KRT20: variants seen among roughly 807,000 people sequenced by gnomAD.
KRT20 encodes keratin, type I cytoskeletal 20.
A neutral mutation model predicts 43.0 loss-of-function variants in KRT20; 41 were observed. That is an observed-to-expected ratio of 0.95 (90% CI 0.74 to 1.24). The LOEUF (loss-of-function observed/expected upper bound fraction) is 1.24, where lower values mean the gene tolerates loss of function less well. Ranked by LOEUF, KRT20 falls within the 50% of genes most tolerant of loss-of-function variation. The pLI is 0.00. For synonymous variants in KRT20, 207 were observed against 200.6 expected, an observed-to-expected ratio of 1.03 and a Z score of -0.27; for missense variants, 533 against 521.2, an observed-to-expected ratio of 1.02 and a Z score of -0.22.
In KRT20 at chr17:40,885,237, G is replaced by A; in HGVS notation, c.-52C>T. The A allele has an allele frequency of 6.6e-7, 1 of 1,504,208 alleles. No homozygotes were observed. The highest frequency in any genetic ancestry group is 8.9e-7 in the Non-Finnish European group (1 of 1,127,956). 93.2% of individuals were successfully genotyped at this position (1,504,208 alleles called of 1,614,324 possible). A position where few individuals can be genotyped will look rare whatever the true frequency, so the allele number is the denominator to read the frequency against. ...AGCTTCAGGATGGTTGGGGCAGAGT[G>A]TGTCTCATGGAGGGTGTTGAGCTAG... On this transcript the variant is annotated 5_prime_UTR_variant, in exon 1 of 8. Coordinates refer to ENST00000167588, the MANE Select transcript of KRT20 (RefSeq NM_019010.3).
At position 40,876,316 on chromosome 17, in the gene KRT20, CA is replaced by C. The variant is rs1907343998; in HGVS notation, c.*44del. 3.9e-6 allele frequency: 5 copies of C among 1,288,646 alleles called. No individual in the cohort carries two copies. Among genetic ancestry groups the C allele is most frequent in the Non-Finnish European group, 5.7e-6 (5 of 884,138 alleles). The allele number at this position is 1,288,646 out of a possible 1,614,324, so 79.8% of individuals were successfully genotyped here. A position where few individuals can be genotyped will look rare whatever the true frequency, so the allele number is the denominator to read the frequency against. On this transcript the variant is annotated 3_prime_UTR_variant, in exon 8 of 8. Coordinates refer to ENST00000167588, the MANE Select transcript of KRT20 (RefSeq NM_019010.3). Reference sequence around the variant, plus strand: ...CAGGGAGCAAAGATAAGATTATAGCCAAATTTCTTTCAAAACCTCAGCAGCA... The same window carrying C: ...CAGGGAGCAAAGATAAGATTATAGCCAATTTCTTTCAAAACCTCAGCAGCA...
At chr17:40,880,504 C>G (rs1907546716) in intron 3 of KRT20, 110 bp downstream of exon 3, 2 of 938,370 alleles carry the variant, frequency 2.1e-6, no homozygotes, top group Admixed American at 4.8e-5. Flanking sequence ...ATCTCTGTCA[C>G]TATCACCACC....
At chr17:40,879,013 C>G (rs2143300545) in intron 5 of KRT20, among the ~76,000 whole-genome samples, 1 of 152,230 alleles carries the variant, frequency 6.6e-6, no homozygotes, top group Middle Eastern at 3.4e-3. Context: ...TATTGGCCAG[C>G]TGGTCTCAAC....
At chr17:40,882,490 A>G (rs1455767772) in intron 2 of KRT20, 82 bp downstream of exon 2, 2 of 608,054 alleles carry the variant, frequency 3.3e-6, no homozygotes, top group Non-Finnish European at 2.7e-6. Flanking sequence ...TTTATCAACA[A>G]TGATATGGAA....
chr17:40,881,261 G>GTC (rs1491569813), intron 2 of KRT20, among the ~76,000 whole-genome samples: 8 of 143,880 alleles, frequency 5.6e-5, no homozygotes, highest in African/African-American at 2.1e-4. Flanking sequence ...GTGTGTGTGT[G>GTC]TATTTGAGAC....
chr17:40,880,964 ATC>A (rs1230154314), intron 2 of KRT20, among the ~76,000 whole-genome samples, 194 bp from the exon 3 acceptor site: 1 of 152,176 alleles, frequency 6.6e-6, no homozygotes, highest in African/African-American at 2.4e-5. Flanking sequence ...CAATAATATA[ATC>A]TCTATAATTT....
chr17:40,876,657 G>A (rs1239819319), intron 7 of KRT20, among the ~76,000 whole-genome samples, 199 bp from the exon 8 acceptor site: 1 of 152,058 alleles, frequency 6.6e-6, no homozygotes, highest in East Asian at 1.9e-4. Flanking sequence ...ATTTACAAAT[G>A]TCCTACTCTT....
chr17:40,876,729 C>G (rs1017871187), intron 7 of KRT20, among the ~76,000 whole-genome samples: 16 of 151,884 alleles, frequency 1.1e-4, no homozygotes, highest in African/African-American at 3.9e-4. Flanking sequence ...CTTGTTTTTC[C>G]TTTTCAGGAT....
At position 40,878,285 on chromosome 17, in the gene KRT20, G is replaced by T. The variant is rs770604147; in HGVS notation, c.999C>A (p.Ser333Arg). 6.2e-7 allele frequency: 1 copy of T among 1,614,160 alleles called. No homozygotes were observed. Among genetic ancestry groups the T allele is most frequent in the Non-Finnish European group, 8.5e-7 (1 of 1,180,004 alleles). The change falls in exon 6 of 8, where the codon AGC becomes AGA. Residue 333 changes from serine (S) to arginine (R), a missense_variant. Ser to Arg is a moderately radical substitution (Grantham distance 110). Transcript: ENST00000167588. Reference sequence around the variant, plus strand: ...TCTGCATCAGTTGGGCCTCCAGAGAGCTCAACAGCGACTGGAGGTTGGCTA... The same window carrying T: ...TCTGCATCAGTTGGGCCTCCAGAGATCTCAACAGCGACTGGAGGTTGGCTA... Reference protein sequence around the residue: ...SQLANLQSLLSSLEAQLMQIR... With the variant: ...SQLANLQSLLRSLEAQLMQIR...
chr17:40,878,207 T>C lies in KRT20; in HGVS notation c.1077A>G (p.Ile359Met). Residue 359 changes from isoleucine to methionine, a missense_variant, in exon 6 of 8, where the codon ATA becomes ATG. Physicochemically the swap from Ile to Met is conservative, Grantham distance 10 (BLOSUM62 1). Transcript: ENST00000167588. ...CAATTTCCTGTTCAAGTCGAGTCTT[T>C]ATGTCAAGAAGGATATGGTATTCGT... ...QNNEYHILLD[I>M]KTRLEQEIAT... 1.2e-6 allele frequency: 2 copies of C among 1,614,088 alleles called. No homozygotes were observed. Among genetic ancestry groups the C allele is most frequent in the Non-Finnish European group, 8.5e-7 (1 of 1,180,018 alleles).
chr17:40,885,096 C>T lies in KRT20; in HGVS notation c.90G>A (p.Gly30=). 2 of 1,614,060 alleles carry T rather than the reference C, an allele frequency of 1.2e-6. No individual in the cohort carries two copies. Among genetic ancestry groups the T allele is most frequent in the Non-Finnish European group, 1.7e-6 (2 of 1,180,032 alleles). The change falls in exon 1 of 8, where the codon GGG becomes GGA. Residue 30 remains glycine (G), a synonymous_variant. Coordinates refer to ENST00000167588, the MANE Select transcript of KRT20 (RefSeq NM_019010.3). Reference sequence around the variant, plus strand: ...CACCCCCATAAACGCTGGGTGTCGTCCCGAGGCGCTGCATGCCCACTGTAC... The same window carrying T: ...CACCCCCATAAACGCTGGGTGTCGTTCCGAGGCGCTGCATGCCCACTGTAC... The part of the protein sequence containing the change: ...VVSTVGMQRL[G]TTPSVYGGAG...
chr17:40,882,043 T>C (rs75900891), intron 2 of KRT20, among the ~76,000 whole-genome samples: 3,928 of 152,244 alleles, frequency 0.026, 187 homozygotes, highest in African/African-American at 0.089. Flanking sequence ...CAGCTAATTA[T>C]TATAGATTGG....
rs368646053 is a variant in KRT20, at chr17:40,884,791, C to G, written c.390+5G>C. ...AGAGTAGGAAACACAAGCATCATCT[C>G]TCACCTGACTTCGCAGCTCTTCAAT... is the stretch of plus-strand genomic sequence containing the variant. On this transcript the variant is annotated splice_donor_5th_base_variant and intron_variant, in intron 1 of 7. Transcript: ENST00000167588. The G allele has an allele frequency of 4.3e-5, 70 of 1,609,474 alleles. No homozygotes were observed. Among genetic ancestry groups the G allele is most frequent in the East Asian group, 1.6e-4 (7 of 44,822 alleles).
chr17:40,876,403 C>A lies in KRT20; in HGVS notation c.1233G>T (p.Lys411Asn), dbSNP rs747090050. ...KTVVQEVVDG[K>N]VVSSEVKEVE... ...CCTCTTTGACTTCAGATGACACGAC[C>A]TTGCCATCCACTACTTCTTGCACGA... Residue 411 changes from lysine to asparagine, a missense_variant, in exon 8 of 8, where the codon AAG becomes AAT. Lys to Asn is a moderately conservative substitution (Grantham distance 94, BLOSUM62 0). Coordinates refer to ENST00000167588, the MANE Select transcript of KRT20 (RefSeq NM_019010.3). 6.2e-7 allele frequency: 1 copy of A among 1,613,374 alleles called. No individual in the cohort carries two copies. Among genetic ancestry groups the A allele is most frequent in the Admixed American group, 1.7e-5 (1 of 60,010 alleles).
rs202107229 is a variant in KRT20 at position 40,882,567 on chromosome 17, C to A, written c.473+5G>T. 12 of 1,537,480 alleles carry A rather than the reference C, an allele frequency of 7.8e-6. No individual in the cohort carries two copies. Among genetic ancestry groups the A allele is most frequent in the Middle Eastern group, 1.7e-4 (1 of 5,776 alleles). Reference sequence around the variant, plus strand: ...GAAACTTTTGCCACGTATTAGGGAACCTACTTCAGTCTGAAGTCCTCAGCA... The same window carrying A: ...GAAACTTTTGCCACGTATTAGGGAAACTACTTCAGTCTGAAGTCCTCAGCA... On this transcript the variant is annotated splice_donor_5th_base_variant and intron_variant, in intron 2 of 7. Coordinates refer to ENST00000167588, the MANE Select transcript of KRT20 (RefSeq NM_019010.3).
rs569063729 is a variant in KRT20 at position 40,880,171 on chromosome 17, C to A, written c.721G>T (p.Glu241Ter). 11 of 1,614,168 alleles carry A rather than the reference C, an allele frequency of 6.8e-6. No individual in the cohort carries two copies. The South Asian group carries it at 1.1e-4, about 16-fold the overall frequency. Residue 241 changes from glutamate to a stop codon, truncating the protein, a stop_gained, in exon 4 of 8, where the codon GAA becomes TAA. Transcript: ENST00000167588. LOFTEE classifies it high-confidence loss of function. Reference sequence around the variant, plus strand: ...ATGACTTCATACTTCTGCCTCATTTCATTCATGATGACGCCAAGGTTCAGG... The same window carrying A: ...ATGACTTCATACTTCTGCCTCATTTAATTCATGATGACGCCAAGGTTCAGG... ...PGLNLGVIMN[E>*]MRQKYEVMAQ...
At chr17:40,880,546 C>A in intron 3 of KRT20, 68 bp downstream of exon 3, 1 of 1,380,264 alleles carries the variant, frequency 7.2e-7, no homozygotes, top group Non-Finnish European at 1.0e-6. Flanking sequence ...TTCTCCCGCT[C>A]CTCCTATTAT....
intron 2 of KRT20, among the ~76,000 whole-genome samples, chr17:40,881,375 AG>A (rs1472760257): frequency 6.6e-6 from 1 of 152,000 alleles, no homozygotes; most frequent in African/African-American, 2.4e-5. Context: ...CAGCCTCCCA[AG>A]TAGCTGGGAC....
chr17:40,883,042 C>T (rs1907669776), intron 1 of KRT20, among the ~76,000 whole-genome samples: 3 of 152,052 alleles, frequency 2.0e-5, no homozygotes, highest in Admixed American at 2.0e-4. Context: ...TAGGAGTTTA[C>T]AAGGATTTAG....
Sources: gnomAD v4.1 joint callset for allele counts (sites outside exome capture counted in the v4.1 genomes callset) on GRCh38, gnomAD v4.1.1 for gene constraint, MANE v1.5 for transcripts, NCBI Gene and HGNC (gene_info 2026-07-23, HGNC 2026-07-21) for gene names.